The following CLIC4 variants were observed in gnomAD, a reference collection of about 807,000 sequenced individuals.
The protein encoded by CLIC4 is CLIC family member 4, also known as chloride intracellular channel protein 4.
A neutral mutation model predicts 24.6 loss-of-function variants in CLIC4; 13 were observed. The observed-to-expected ratio is 0.53, with a 90% confidence interval of 0.34 to 0.84. The LOEUF (loss-of-function observed/expected upper bound fraction) is 0.84. CLIC4 is among the 40% of genes least tolerant of loss of function. The pLI, the probability that CLIC4 is intolerant of heterozygous loss-of-function variation, is 0.01. For synonymous variants in CLIC4, 104 were observed against 111.3 expected (o/e 0.93, Z 0.41); for missense variants, 227 against 301.7 (o/e 0.75, Z 1.83).
At chr1:24,817,355 A>G (rs1203369326) in intron 3 of CLIC4, among the ~76,000 whole-genome samples, 4 of 151,998 alleles carry the variant, frequency 2.6e-5, no homozygotes, top group Admixed American at 2.0e-4. Flanking sequence ...CTGCATAAGC[A>G]TTTGCTGCTT....
intron 4 of CLIC4, among the ~76,000 whole-genome samples, chr1:24,838,578 A>G (rs1183168353): frequency 3.3e-5 from 5 of 152,166 alleles, no homozygotes; most frequent in South Asian, 4.1e-4. Context: ...AACTGAATTC[A>G]GACTTAAAAC....
chr1:24,764,391 C>T (rs533878538), intron 1 of CLIC4, among the ~76,000 whole-genome samples: 20 of 151,700 alleles, frequency 1.3e-4, no homozygotes, highest in South Asian at 4.2e-4. Flanking sequence ...TGAGCCACCA[C>T]GTCCGGCCAA....
At chr1:24,791,577 T>G (rs1210267642) in intron 1 of CLIC4, among the ~76,000 whole-genome samples, 1 of 151,742 alleles carries the variant, frequency 6.6e-6, no homozygotes, top group Admixed American at 6.6e-5. Flanking sequence ...CTGTCTCTAA[T>G]AAAAATACAA....
chr1:24,839,251 A>T (rs936649239), intron 4 of CLIC4, among the ~76,000 whole-genome samples: 1 of 152,198 alleles, frequency 6.6e-6, no homozygotes, highest in African/African-American at 2.4e-5. Context: ...TTTCCAGTTT[A>T]AATGTCAAAT....
At chr1:24,835,799 G>T (rs1344500818) in intron 4 of CLIC4, among the ~76,000 whole-genome samples, 1 of 152,146 alleles carries the variant, frequency 6.6e-6, no homozygotes, top group African/African-American at 2.4e-5. Context: ...CCATAGGAAG[G>T]TAGGAGAGAA....
chr1:24,762,462 A>G (rs1192203832), intron 1 of CLIC4, among the ~76,000 whole-genome samples: 1 of 152,256 alleles, frequency 6.6e-6, no homozygotes, highest in East Asian at 1.9e-4. Context: ...GGATGAGTAA[A>G]GAGTGAGGAA....
chr1:24,821,387 C>T (rs957527896), intron 3 of CLIC4, among the ~76,000 whole-genome samples: 1 of 152,044 alleles, frequency 6.6e-6, no homozygotes, highest in South Asian at 2.1e-4. Context: ...AAAATTCTAG[C>T]CCCATTATAT....
At chr1:24,769,688 C>G (rs1354590637) in intron 1 of CLIC4, among the ~76,000 whole-genome samples, 1 of 152,064 alleles carries the variant, frequency 6.6e-6, no homozygotes, top group Non-Finnish European at 1.5e-5. Context: ...ACTAGTGAGC[C>G]TAGATGGTTC....
chr1:24,777,492 C>T (rs1048638003), intron 1 of CLIC4, among the ~76,000 whole-genome samples: 3 of 151,904 alleles, frequency 2.0e-5, no homozygotes, highest in Admixed American at 6.6e-5. Flanking sequence ...TGCAGTGAGC[C>T]GAGATCACGC....
chr1:24,811,904 G>A (rs1242720654), intron 2 of CLIC4, among the ~76,000 whole-genome samples: 1 of 152,208 alleles, frequency 6.6e-6, no homozygotes, highest in Non-Finnish European at 1.5e-5. Context: ...GTGGGTTTGG[G>A]TGAGCCATTT....
chr1:24,799,042 A>G (rs1365906521), intron 2 of CLIC4, among the ~76,000 whole-genome samples: 2 of 152,164 alleles, frequency 1.3e-5, no homozygotes, highest in Non-Finnish European at 2.9e-5. Flanking sequence ...AAGTGCCGAG[A>G]TTGCAGCCTC....
chr1:24,779,413 T>C (rs1639178174), intron 1 of CLIC4, among the ~76,000 whole-genome samples: 1 of 152,200 alleles, frequency 6.6e-6, no homozygotes. Context: ...AAGGCTGCAG[T>C]GAGCCGTGAT....
intron 1 of CLIC4, among the ~76,000 whole-genome samples, chr1:24,785,854 C>CAAAAAAAAAAAA (rs61009244): frequency 7.7e-3 from 454 of 58,870 alleles, no homozygotes; most frequent in Middle Eastern, 0.014. Context: ...GACTACAACT[C>CAAAAAAAAAAAA]AAAAAAAAAA....
chr1:24,815,719 C>T (rs989267724), intron 3 of CLIC4, among the ~76,000 whole-genome samples: 19 of 152,148 alleles, frequency 1.2e-4, no homozygotes, highest in African/African-American at 4.6e-4. Context: ...TTCTCTGTAA[C>T]ATGCAATAGT....
intron 4 of CLIC4, among the ~76,000 whole-genome samples, chr1:24,827,584 G>A (rs575863413): frequency 1.8e-5 from 2 of 111,586 alleles, no homozygotes; most frequent in East Asian, 2.5e-4. Flanking sequence ...TTTTGTTGTT[G>A]TTGTTTTTGC....
At chr1:24,766,031 G>A (rs1263530332) in intron 1 of CLIC4, among the ~76,000 whole-genome samples, 4 of 151,838 alleles carry the variant, frequency 2.6e-5, no homozygotes, top group African/African-American at 4.8e-5. Context: ...TTGAGATGGA[G>A]TCTCGCTCTG....
chr1:24,812,901 C>G lies in CLIC4; in HGVS notation c.183-1193C>G, dbSNP rs544398265. Among the ~76,000 whole-genome samples, 16 of 151,800 alleles carry G rather than the reference C, an allele frequency of 1.1e-4. No homozygotes were observed. The East Asian group carries it at 1.7e-3, about 17-fold the overall frequency. On this transcript the variant is annotated intron_variant, in intron 2 of 5. Coordinates refer to ENST00000374379, the MANE Select transcript of CLIC4 (RefSeq NM_013943.3). Reference sequence around the variant, plus strand: ...GCCCAGCTAATTTTTATATTTTTAGCAGAGACGGAGTTTCACCATGTTGGC... The same window carrying G: ...GCCCAGCTAATTTTTATATTTTTAGGAGAGACGGAGTTTCACCATGTTGGC...
intron 1 of CLIC4, among the ~76,000 whole-genome samples, chr1:24,792,005 C>T (rs568376630): frequency 9.5e-5 from 14 of 147,804 alleles, no homozygotes; most frequent in Non-Finnish European, 2.1e-4. Flanking sequence ...GCCGAGATGA[C>T]ACCACTGTAC....
intron 4 of CLIC4, among the ~76,000 whole-genome samples, chr1:24,836,301 G>C (rs534683601): frequency 1.3e-5 from 2 of 152,204 alleles, no homozygotes; most frequent in South Asian, 4.1e-4. Flanking sequence ...GTAACTGTTA[G>C]AATCAACCGC....
Sources: allele counts gnomAD v4.1 joint callset (sites outside exome capture counted in the v4.1 genomes callset), GRCh38; gene constraint gnomAD v4.1.1; transcripts MANE v1.5; gene names NCBI Gene and HGNC (gene_info 2026-07-23, HGNC 2026-07-21).